TMPRSS15: variants seen among roughly 807,000 people sequenced by gnomAD.
TMPRSS15 encodes transmembrane serine protease 15.
A neutral mutation model predicts 125.3 loss-of-function variants in TMPRSS15; 128 were observed. That is an observed-to-expected ratio of 1.02 (90% CI 0.89 to 1.18). The LOEUF (loss-of-function observed/expected upper bound fraction) is 1.18, where lower values mean the gene tolerates loss of function less well. Ranked by LOEUF, TMPRSS15 falls within the 50% of genes most tolerant of loss-of-function variation. TMPRSS15 has a pLI of 0.00. For missense variants in TMPRSS15, 1,283 were observed against 1,212.7 expected (o/e 1.06, Z -0.86); for synonymous variants, 446 against 423.2 (o/e 1.05, Z -0.66).
At position 18,389,187 on chromosome 21, in the gene TMPRSS15, G is replaced by C. The variant is rs138562764; in HGVS notation, c.345-5409C>G. Among the ~76,000 whole-genome samples, 1,000 of 148,460 alleles carry C rather than the reference G, an allele frequency of 6.7e-3. 7 individuals are homozygous for C. The highest frequency in any genetic ancestry group is 0.024 in the Middle Eastern group (7 of 290). ...AAAGAAAAAGAAAGAAAGGAAAGAA[G>C]GAAGGAAGGAAAGAAAGAAAAGAAA... is the stretch of plus-strand genomic sequence containing the variant. On this transcript the variant is annotated intron_variant, in intron 3 of 24. Coordinates refer to ENST00000284885, the MANE Select transcript of TMPRSS15 (RefSeq NM_002772.3).
intron 1 of TMPRSS15, among the ~76,000 whole-genome samples, chr21:18,422,293 C>G (rs2076193941): frequency 6.6e-6 from 1 of 151,800 alleles, no homozygotes; most frequent in African/African-American, 2.4e-5. Flanking sequence ...GCCCTGAAGG[C>G]AAGTATTACT....
chr21:18,427,543 T>C (rs139786820), intron 1 of TMPRSS15, among the ~76,000 whole-genome samples: 202 of 152,340 alleles, frequency 1.3e-3, no homozygotes, highest in African/African-American at 4.6e-3. Flanking sequence ...GGGACTTTAG[T>C]TGCAGGCAAA....
At chr21:18,310,992 C>A (rs1403394231) in intron 18 of TMPRSS15, among the ~76,000 whole-genome samples, 3 of 139,362 alleles carry the variant, frequency 2.2e-5, no homozygotes, top group African/African-American at 8.3e-5. Context: ...GGGGGAAGAA[C>A]AATCGCTTCA....
chr21:18,454,933 G>A (rs541595304), intron 1 of TMPRSS15, among the ~76,000 whole-genome samples: 3 of 152,190 alleles, frequency 2.0e-5, no homozygotes, highest in African/African-American at 7.2e-5. Context: ...ATGTGATATA[G>A]CTTGGCTGTG....
At chr21:18,378,760 C>G (rs1292019016) in intron 5 of TMPRSS15, among the ~76,000 whole-genome samples, 1 of 151,840 alleles carries the variant, frequency 6.6e-6, no homozygotes, top group Non-Finnish European at 1.5e-5. Context: ...CAGACAATTC[C>G]TAGAAATACA....
In TMPRSS15 at chr21:18,403,483, T is replaced by A; in HGVS notation, c.140A>T (p.Gln47Leu). The change falls in exon 1 of 25, where the codon CAA becomes CTA. Residue 47 changes from glutamine (Q) to leucine (L), a missense_variant. Coordinates refer to ENST00000284885, the MANE Select transcript of TMPRSS15 (RefSeq NM_002772.3). ...AVSCLTIKES[Q>L]RGAALGQSHE... ...GCCAACTCCATGTGACTTACCTCGT[T>A]GGGATTCCTTGATTGTCAGGCAGGA... The A allele has an allele frequency of 6.2e-7, 1 of 1,614,158 alleles. No individual in the cohort carries two copies. Among genetic ancestry groups the A allele is most frequent in the South Asian group, 1.1e-5 (1 of 91,088 alleles).
At chr21:18,300,508 A>T (rs1174278435) in intron 18 of TMPRSS15, among the ~76,000 whole-genome samples, 10 of 150,418 alleles carry the variant, frequency 6.6e-5, no homozygotes, top group East Asian at 2.0e-4. Flanking sequence ...CACCTGGCTA[A>T]TTTTTTTTGT....
chr21:18,344,092 T>A, intron 10 of TMPRSS15, 32 bp from the exon 11 acceptor site: 1 of 1,546,914 alleles, frequency 6.5e-7, no homozygotes, highest in African/African-American at 1.4e-5. Context: ...TTTATTTCAC[T>A]TAAATATTGC....
chr21:18,403,216 C>T (rs1278936933), intron 1 of TMPRSS15, among the ~76,000 whole-genome samples: 2 of 152,132 alleles, frequency 1.3e-5, no homozygotes, highest in Non-Finnish European at 2.9e-5. Context: ...TTAAAAACTA[C>T]TCAGTCTCAT....
chr21:18,341,335 T>C (rs2075443538), intron 13 of TMPRSS15, 78 bp downstream of exon 13: 1 of 1,577,056 alleles, frequency 6.3e-7, no homozygotes. Flanking sequence ...CCTCCCGAAG[T>C]GCTGGAATTA....
chr21:18,271,486 G>C (rs1246862331), intron 24 of TMPRSS15, among the ~76,000 whole-genome samples: 1 of 152,114 alleles, frequency 6.6e-6, no homozygotes, highest in Non-Finnish European at 1.5e-5. Context: ...CCTATCGGCT[G>C]GGTGGTCTAC....
At chr21:18,433,583 G>A (rs2076221007) in intron 1 of TMPRSS15, among the ~76,000 whole-genome samples, 1 of 146,800 alleles carries the variant, frequency 6.8e-6, no homozygotes, top group African/African-American at 2.5e-5. Context: ...AGAATCACCT[G>A]AGCTTGAGAG....
chr21:18,354,498 A>C (rs975140413), intron 8 of TMPRSS15, among the ~76,000 whole-genome samples: 2 of 151,752 alleles, frequency 1.3e-5, no homozygotes, highest in African/African-American at 2.4e-5. Flanking sequence ...TGCTTTACAA[A>C]ATCATTGTTA....
intron 6 of TMPRSS15, among the ~76,000 whole-genome samples, chr21:18,369,973 C>CAAAAAAA (rs148057792): frequency 7.4e-6 from 1 of 135,980 alleles, no homozygotes; most frequent in East Asian, 2.1e-4. Flanking sequence ...CTTACTTAAA[C>CAAAAAAA]GAAAAAAAAA....
intron 1 of TMPRSS15, among the ~76,000 whole-genome samples, chr21:18,454,414 T>C (rs1978400587): frequency 6.6e-6 from 1 of 152,132 alleles, no homozygotes; most frequent in African/African-American, 2.4e-5. Context: ...ACCAATAGGA[T>C]ATATATAGAG....
At chr21:18,302,323 G>A (rs1207376322) in intron 18 of TMPRSS15, among the ~76,000 whole-genome samples, 1 of 152,112 alleles carries the variant, frequency 6.6e-6, no homozygotes, top group African/African-American at 2.4e-5. Context: ...AAGGCAGGGG[G>A]ACCATTTTAC....
intron 1 of TMPRSS15, among the ~76,000 whole-genome samples, chr21:18,434,279 C>T (rs2076223333): frequency 6.6e-6 from 1 of 152,164 alleles, no homozygotes; most frequent in Non-Finnish European, 1.5e-5. Flanking sequence ...CACAGAGATA[C>T]ATGCACATAT....
intron 3 of TMPRSS15, among the ~76,000 whole-genome samples, chr21:18,394,218 T>G (rs1300210068): frequency 6.6e-6 from 1 of 152,198 alleles, no homozygotes; most frequent in Non-Finnish European, 1.5e-5. Context: ...AGGGGGATTT[T>G]AAGTTAGCAA....
intron 6 of TMPRSS15, among the ~76,000 whole-genome samples, chr21:18,370,777 C>G (rs1017207840): frequency 2.6e-5 from 4 of 151,922 alleles, no homozygotes; most frequent in African/African-American, 9.7e-5. Flanking sequence ...GAGTTGGTAC[C>G]GGGAAACAGA....
Sources: allele counts gnomAD v4.1 joint callset (sites outside exome capture counted in the v4.1 genomes callset), GRCh38; gene constraint gnomAD v4.1.1; transcripts MANE v1.5; gene names NCBI Gene and HGNC (gene_info 2026-07-23, HGNC 2026-07-21).